TCF7L1: variants seen among roughly 807,000 people sequenced by gnomAD.
TCF7L1 encodes transcription factor 7-like 1.
TCF7L1 carries 18 observed loss-of-function variants against 63.7 expected under a neutral mutation model. The ratio of observed to expected loss-of-function variants is 0.28; its 90% confidence interval spans 0.20 to 0.42. The LOEUF (loss-of-function observed/expected upper bound fraction) is 0.42, where lower values mean the gene tolerates loss of function less well. Ranked by LOEUF, TCF7L1 falls within the 10% of genes least tolerant of loss-of-function variation. TCF7L1 has a pLI of 1.00. For missense variants in TCF7L1, 654 were observed against 779.3 expected (o/e 0.84, Z 1.91); for synonymous variants, 355 against 340.9 (o/e 1.04, Z -0.46).
intron 3 of TCF7L1, among the ~76,000 whole-genome samples, chr2:85,209,535 A>G (rs754845518): frequency 1.3e-5 from 2 of 152,170 alleles, no homozygotes; most frequent in Non-Finnish European, 2.9e-5. Context: ...GAGAAGAGAG[A>G]TTGGGAAACT....
intron 4 of TCF7L1, among the ~76,000 whole-genome samples, chr2:85,291,695 C>T (rs750319874): frequency 6.6e-6 from 1 of 152,178 alleles, no homozygotes; most frequent in Non-Finnish European, 1.5e-5. Flanking sequence ...ATTCTCCTGT[C>T]TCAGCCTCCC....
At chr2:85,216,262 T>G (rs1222219886) in intron 3 of TCF7L1, among the ~76,000 whole-genome samples, 1 of 151,998 alleles carries the variant, frequency 6.6e-6, no homozygotes, top group Non-Finnish European at 1.5e-5. Flanking sequence ...CCGGGCAGCT[T>G]TTTTCCCCCC....
chr2:85,140,732 G>A (rs1807310), intron 3 of TCF7L1, among the ~76,000 whole-genome samples: 71,843 of 151,792 alleles, frequency 0.47, 17,724 homozygotes, highest in East Asian at 0.83. Flanking sequence ...CCCAGGAGGC[G>A]GCACCTGTAT....
chr2:85,148,856 C>T (rs989343673), intron 3 of TCF7L1, among the ~76,000 whole-genome samples: 1 of 150,730 alleles, frequency 6.6e-6, no homozygotes, highest in Admixed American at 6.6e-5. Context: ...TCACTGCAAC[C>T]TCTGCCCCCC....
chr2:85,158,712 T>C lies in TCF7L1; in HGVS notation c.441+24262T>C, dbSNP rs559275754. Among the ~76,000 whole-genome samples, 28 of 152,310 alleles carry C rather than the reference T, an allele frequency of 1.8e-4. No individual in the cohort carries two copies. In the South Asian group the frequency reaches 4.3e-3, roughly 24 times the overall value. On this transcript the variant is annotated intron_variant, in intron 3 of 11. Coordinates refer to ENST00000282111, the MANE Select transcript of TCF7L1 (RefSeq NM_031283.3). ...ATCTACATGTCCAGCTTTAAGAAAA[T>C]GTGATTATGCCTCTCTGTAAGTGGA...
chr2:85,149,198 T>G (rs1045321704), intron 3 of TCF7L1, among the ~76,000 whole-genome samples: 6 of 152,144 alleles, frequency 3.9e-5, no homozygotes, highest in African/African-American at 1.4e-4. Context: ...CAATTCCCTT[T>G]GCAAAAACTT....
chr2:85,136,737 A>G (rs1574073901), intron 3 of TCF7L1, among the ~76,000 whole-genome samples: 1 of 152,160 alleles, frequency 6.6e-6, no homozygotes, highest in East Asian at 1.9e-4. Context: ...TCCTGCCCTT[A>G]GGTCAGCACA....
At chr2:85,282,635 G>T (rs1332732908) in intron 3 of TCF7L1, among the ~76,000 whole-genome samples, 1 of 152,108 alleles carries the variant, frequency 6.6e-6, no homozygotes, top group Non-Finnish European at 1.5e-5. Context: ...CTCATTCAGG[G>T]TCACACAGCC....
intron 3 of TCF7L1, among the ~76,000 whole-genome samples, chr2:85,140,003 G>A (rs1677685624): frequency 6.6e-6 from 1 of 152,210 alleles, no homozygotes; most frequent in African/African-American, 2.4e-5. Flanking sequence ...AGGAGTCAGG[G>A]GTGAGGTGAA....
chr2:85,243,748 G>A (rs750985511), intron 3 of TCF7L1, among the ~76,000 whole-genome samples: 11 of 152,146 alleles, frequency 7.2e-5, no homozygotes, highest in Non-Finnish European at 1.0e-4. Flanking sequence ...GGAGATATAC[G>A]CTGAGCCATC....
At chr2:85,183,669 C>T (rs186521338) in intron 3 of TCF7L1, among the ~76,000 whole-genome samples, 4 of 152,244 alleles carry the variant, frequency 2.6e-5, no homozygotes, top group Admixed American at 6.5e-5. Flanking sequence ...ATGTCTGTGC[C>T]GAGCATTCTG....
At position 85,306,377 on chromosome 2, in the gene TCF7L1, C is replaced by T. The variant is rs1682107391; in HGVS notation, c.1149+12C>T. The T allele has an allele frequency of 1.9e-6, 3 of 1,613,652 alleles. No individual in the cohort carries two copies. The highest frequency in any genetic ancestry group is 1.7e-4 in the Middle Eastern group (1 of 6,060). On this transcript the variant is annotated intron_variant, in intron 9 of 11. Coordinates refer to ENST00000282111, the MANE Select transcript of TCF7L1 (RefSeq NM_031283.3). The surrounding 1 kb of genome is among the most constrained non-coding windows in gnomAD (Gnocchi z 4.3). ...TCCTTGGAAGAAAGGTAAGACCTGC[C>T]CTCTCCCTCCAGGCCAGGGAGGCAG...
chr2:85,155,911 G>C (rs575005148), intron 3 of TCF7L1, among the ~76,000 whole-genome samples: 1 of 152,174 alleles, frequency 6.6e-6, no homozygotes, highest in Non-Finnish European at 1.5e-5. Context: ...ATTAACGCAG[G>C]CAGAACAAAA....
Position 85,307,660 on chromosome 2 carries a change from A to C in TCF7L1, c.1276A>C (p.Lys426Gln). The C allele has an allele frequency of 6.2e-7, 1 of 1,613,796 alleles. No individual in the cohort carries two copies. Among genetic ancestry groups the C allele is most frequent in the Non-Finnish European group, 8.5e-7 (1 of 1,179,962 alleles). Reference protein sequence around the residue: ...RDNYGKKKKRKREKQLSQTQS... With the variant: ...RDNYGKKKKRQREKQLSQTQS... The stretch of plus-strand genomic sequence containing the variant: ...TTTCCAGGGTAAGAAAAAGAAGAGG[A>C]AGAGAGAAAAGCAGCTGTCCCAGAC... The change falls in exon 11 of 12, where the codon AAG becomes CAG. Residue 426 changes from lysine (K) to glutamine (Q), a missense_variant. Lys to Gln is a moderately conservative substitution (Grantham distance 53). Around this residue, in one of 3 missense-constraint regions of TCF7L1, gnomAD observed 184 missense variants for 204.0 expected, o/e 0.90. Transcript: ENST00000282111.
intron 3 of TCF7L1, among the ~76,000 whole-genome samples, chr2:85,209,577 G>C (rs955522743): frequency 2.6e-5 from 4 of 152,296 alleles, no homozygotes; most frequent in Middle Eastern, 3.4e-3. Flanking sequence ...TTCAAACCTG[G>C]AAAATGCCAG....
intron 3 of TCF7L1, among the ~76,000 whole-genome samples, chr2:85,183,421 G>A (rs979075290): frequency 5.9e-5 from 9 of 152,102 alleles, no homozygotes; most frequent in African/African-American, 1.4e-4. Context: ...GGAAGAATGC[G>A]TCAGACAGTA....
chr2:85,236,861 T>G lies in TCF7L1; in HGVS notation c.442-46634T>G, dbSNP rs1022016533. On this transcript the variant is annotated intron_variant, in intron 3 of 11. Coordinates refer to ENST00000282111, the MANE Select transcript of TCF7L1 (RefSeq NM_031283.3). The stretch of plus-strand genomic sequence containing the variant: ...GAGAGAAGGAGGGACTGCAGGGTCA[T>G]TTGCAGTGACTGAGATTTCCAAATG... Among the ~76,000 whole-genome samples, 3 of 152,264 alleles carry G rather than the reference T, an allele frequency of 2.0e-5. No homozygotes were observed. The South Asian group carries it at 6.2e-4, about 32-fold the overall frequency.
intron 3 of TCF7L1, among the ~76,000 whole-genome samples, chr2:85,259,315 C>G (rs1680801609): frequency 6.6e-6 from 1 of 152,210 alleles, no homozygotes; most frequent in African/African-American, 2.4e-5. Flanking sequence ...CAGGCAGCCA[C>G]CCTTTAAAAA....
intron 3 of TCF7L1, among the ~76,000 whole-genome samples, chr2:85,243,160 A>G (rs1680377659): frequency 6.6e-6 from 1 of 152,194 alleles, no homozygotes; most frequent in Non-Finnish European, 1.5e-5. Context: ...GCAGTTTCGA[A>G]AGAACTAATT....
Sources: gnomAD v4.1 joint callset for allele counts (sites outside exome capture counted in the v4.1 genomes callset) on GRCh38, gnomAD v4.1.1 for gene constraint, gnomAD v4.1.1 regional missense constraint, Gnocchi (gnomAD v3.1) non-coding constraint, MANE v1.5 for transcripts, NCBI Gene and HGNC (gene_info 2026-07-23, HGNC 2026-07-21) for gene names.